Variants in NDC80 observed in about 807,000 individuals in gnomAD.
The protein encoded by NDC80 is kinetochore protein NDC80 homolog.
NDC80 carries 69 observed loss-of-function variants against 89.3 expected under a neutral mutation model. The observed-to-expected ratio is 0.77, with a 90% CI of 0.64 to 0.94. The LOEUF (loss-of-function observed/expected upper bound fraction) is 0.94. Among genes scored for constraint, NDC80 ranks in the 40% least tolerant of loss-of-function variants. The pLI is 0.00. For missense variants in NDC80, 593 were observed against 739.6 expected, an observed-to-expected ratio of 0.80 and a Z score of 2.30; for synonymous variants, 243 against 255.6, an observed-to-expected ratio of 0.95 and a Z score of 0.47.
At chr18:2,594,753 A>C (rs1167132090) in intron 10 of NDC80, 1 of 152,366 alleles carries the variant, frequency 6.6e-6, no homozygotes, top group Non-Finnish European at 1.5e-5. Flanking sequence ...ACCTTGTCCA[A>C]CTGTTCTGTT....
chr18:2,580,172 CA>C (rs1411753559), intron 6 of NDC80, among the ~76,000 whole-genome samples: 1 of 151,786 alleles, frequency 6.6e-6, no homozygotes, highest in Non-Finnish European at 1.5e-5. Context: ...TTCTTATTTA[CA>C]TTTTTTGTTT....
chr18:2,580,731 ATTTTTTTTTTT>A (rs71365186), intron 6 of NDC80, among the ~76,000 whole-genome samples: 47 of 55,454 alleles, frequency 8.5e-4, no homozygotes, highest in African/African-American at 1.1e-3. Context: ...TCACCATCAG[ATTTTTTTTTTT>A]TTTTTTTTTT....
At chr18:2,585,330 G>A (rs1436658128) in intron 7 of NDC80, 128 bp downstream of exon 7, 2 of 689,036 alleles carry the variant, frequency 2.9e-6, no homozygotes, top group African/African-American at 3.6e-5. Flanking sequence ...AAAATATCAT[G>A]TCAAAAATGC....
At position 2,601,517 on chromosome 18, in the gene NDC80, G is replaced by A. The variant is rs535392241; in HGVS notation, c.1464+32G>A. The A allele has an allele frequency of 1.2e-5, 12 of 1,008,962 alleles. No homozygotes were observed. In the South Asian group the frequency reaches 2.1e-4, roughly 18 times the overall value. The allele number at this position is 1,008,962 out of a possible 1,614,324, so 62.5% of individuals were successfully genotyped here. Reference sequence around the variant, plus strand: ...AATAAAACATAAAAAGTCATAAAAAGTGAAAATTAGATTTTAAAACCTAAA... The same window carrying A: ...AATAAAACATAAAAAGTCATAAAAAATGAAAATTAGATTTTAAAACCTAAA... On this transcript the variant is annotated intron_variant, in intron 13 of 16. Coordinates refer to ENST00000261597, the MANE Select transcript of NDC80 (RefSeq NM_006101.3).
At chr18:2,614,579 A>AG (rs2072769189) in intron 16 of NDC80, 1 of 3,054 alleles carries the variant, frequency 3.3e-4, no homozygotes, top group Non-Finnish European at 6.0e-4. Context: ...GAAAGAAAGA[A>AG]AGAAAGAAAG....
intron 6 of NDC80, among the ~76,000 whole-genome samples, chr18:2,580,430 T>C (rs1011148225): frequency 2.0e-5 from 3 of 152,040 alleles, no homozygotes; most frequent in Non-Finnish European, 4.4e-5. Flanking sequence ...GCTTCTGAGT[T>C]TCCTGTCCTA....
chr18:2,586,693 G>C (rs1353888451), intron 7 of NDC80, among the ~76,000 whole-genome samples: 2 of 151,584 alleles, frequency 1.3e-5, no homozygotes, highest in Non-Finnish European at 2.9e-5. Context: ...TCATGTCACT[G>C]TACTGCAGCC....
intron 16 of NDC80, among the ~76,000 whole-genome samples, chr18:2,614,621 G>GAAAGAAAGAAAGAAAGAAAGAA (rs1452288753): frequency 1.3e-4 from 1 of 7,624 alleles, no homozygotes; most frequent in Non-Finnish European, 2.4e-4. Flanking sequence ...AAGAAAGAAA[G>GAAAGAAAGAAAGAAAGAAAGAA]AAAGAAAGAA....
intron 6 of NDC80, among the ~76,000 whole-genome samples, chr18:2,583,109 G>A (rs979669427): frequency 1.3e-5 from 2 of 152,132 alleles, no homozygotes; most frequent in Admixed American, 6.5e-5. Flanking sequence ...AGTGGAAAAC[G>A]CCACCTTTCA....
chr18:2,579,663 G>A (rs563999448), intron 6 of NDC80, among the ~76,000 whole-genome samples: 116 of 152,260 alleles, frequency 7.6e-4, no homozygotes, highest in African/African-American at 2.6e-3. Context: ...CTGACCTCAG[G>A]TGATCTGCCC....
chr18:2,584,152 G>A (rs967407102), intron 6 of NDC80, among the ~76,000 whole-genome samples: 1 of 151,798 alleles, frequency 6.6e-6, no homozygotes, highest in Non-Finnish European at 1.5e-5. Flanking sequence ...GCCAGGCATG[G>A]TGGCTCATGC....
intron 6 of NDC80, among the ~76,000 whole-genome samples, chr18:2,584,566 C>T (rs2072595096): frequency 6.6e-6 from 1 of 151,904 alleles, no homozygotes; most frequent in South Asian, 2.1e-4. Context: ...GAATGTTTTG[C>T]TATAATTTAT....
rs182804306 is a variant in NDC80 at position 2,576,281 on chromosome 18, A to T, written c.179+1215A>T. On this transcript the variant is annotated intron_variant, in intron 3 of 16. Transcript: ENST00000261597. Reference sequence around the variant, plus strand: ...AATATGCATTCAATTTAAAATAACAACCCATTACATGGTAACATAAATAAC... The same window carrying T: ...AATATGCATTCAATTTAAAATAACATCCCATTACATGGTAACATAAATAAC... Among the ~76,000 whole-genome samples, 267 of 152,348 alleles carry T rather than the reference A, an allele frequency of 1.8e-3. 3 individuals carry two copies. The highest frequency in any genetic ancestry group is 3.0e-3 in the Admixed American group (46 of 15,304).
At chr18:2,599,263 A>G in intron 12 of NDC80, 92 bp downstream of exon 12, 1 of 966,960 alleles carries the variant, frequency 1.0e-6, no homozygotes, top group South Asian at 2.4e-5. Context: ...ACCCAGTACT[A>G]AACAAAGGAA....
intron 7 of NDC80, 79 bp from the exon 8 acceptor site, chr18:2,587,751 A>G (rs779956602): frequency 1.1e-4 from 127 of 1,122,698 alleles, no homozygotes; most frequent in Non-Finnish European, 1.5e-4. Context: ...AAATTCAAAT[A>G]TAAATTTCCA....
In NDC80 at chr18:2,584,568, A is replaced by G. The variant is rs997428688; in HGVS notation, c.580-545A>G. On this transcript the variant is annotated intron_variant, in intron 6 of 16. Transcript: ENST00000261597. ...ATTTTAACCATCTGAATGTTTTGCT[A>G]TAATTTATGTTATCACTTGCAGTTT... Among the ~76,000 whole-genome samples the G allele has an allele frequency of 7.9e-5, 12 of 152,104 alleles. 1 individual carries two copies. The highest frequency in any genetic ancestry group is 1.9e-4 in the East Asian group (1 of 5,206).
intron 10 of NDC80, among the ~76,000 whole-genome samples, chr18:2,590,741 A>G (rs1484329928): frequency 1.3e-5 from 2 of 152,212 alleles, no homozygotes; most frequent in Non-Finnish European, 2.9e-5. Context: ...TTAGGTGGCC[A>G]TTGTTCAACC....
chr18:2,580,321 T>C (rs2143635161), intron 6 of NDC80, among the ~76,000 whole-genome samples: 1 of 152,140 alleles, frequency 6.6e-6, no homozygotes, highest in Non-Finnish European at 1.5e-5. Flanking sequence ...GTGCAAGCAA[T>C]TTTTTTCTCT....
chr18:2,603,246 T>C (rs1010948509), intron 13 of NDC80, among the ~76,000 whole-genome samples: 7 of 151,650 alleles, frequency 4.6e-5, no homozygotes, highest in African/African-American at 1.5e-4. Flanking sequence ...GATTGAATCC[T>C]AAAGAGTAAC....
Sources: allele counts gnomAD v4.1 joint callset (sites outside exome capture counted in the v4.1 genomes callset), GRCh38; gene constraint gnomAD v4.1.1; transcripts MANE v1.5; gene names NCBI Gene and HGNC (gene_info 2026-07-23, HGNC 2026-07-21).